Variants in CNIH3 observed in about 807,000 individuals in gnomAD.
CNIH3 encodes cornichon family AMPA receptor auxiliary protein 3, also known as protein cornichon homolog 3.
A neutral mutation model predicts 24.1 loss-of-function variants in CNIH3; 14 were observed. The ratio of observed to expected loss-of-function variants is 0.58; its 90% CI spans 0.38 to 0.91. The LOEUF (loss-of-function observed/expected upper bound fraction) is 0.91. Ranked by LOEUF, CNIH3 falls within the 40% of genes least tolerant of loss-of-function variation. The pLI, the probability that CNIH3 is intolerant of heterozygous loss-of-function variation, is 0.00. For synonymous variants in CNIH3, 68 were observed against 73.8 expected, an observed-to-expected ratio of 0.92 and a Z score of 0.40; for missense variants, 178 against 196.8, an observed-to-expected ratio of 0.90 and a Z score of 0.57.
chr1:224,716,764 CCCTCCCTCTCTTGCCCT>C (rs1688451288), intron 3 of CNIH3, among the ~76,000 whole-genome samples: 1 of 152,092 alleles, frequency 6.6e-6, no homozygotes, highest in Admixed American at 6.5e-5. Context: ...GTCTGCCTTC[CCCTCCCTCTCTTGCCCT>C]CCTCTGCTAT....
In CNIH3 at chr1:224,638,463, C is replaced by T. The variant is rs572573400; in HGVS notation, c.81+21208C>T. On this transcript the variant is annotated intron_variant, in intron 1 of 5. Coordinates refer to ENST00000272133, the MANE Select transcript of CNIH3 (RefSeq NM_152495.2). ...CTCTTGTAGTTCATTCTTCCCCATG[C>T]CATGTCAGACCTGAGCTTCTGAATT... Among the ~76,000 whole-genome samples, 20 of 152,332 alleles carry T rather than the reference C, an allele frequency of 1.3e-4. No homozygotes were observed. In the South Asian group the frequency reaches 3.7e-3, roughly 28 times the overall value.
At chr1:224,618,755 A>G (rs962937525) in intron 1 of CNIH3, among the ~76,000 whole-genome samples, 3 of 152,212 alleles carry the variant, frequency 2.0e-5, no homozygotes, top group African/African-American at 4.8e-5. Context: ...GAATCCAAAC[A>G]TAGATATTTG....
At chr1:224,636,918 T>C (rs1487686551) in intron 1 of CNIH3, among the ~76,000 whole-genome samples, 1 of 152,136 alleles carries the variant, frequency 6.6e-6, no homozygotes, top group Non-Finnish European at 1.5e-5. Flanking sequence ...ATCTATTATC[T>C]GTCTATCATC....
intron 1 of CNIH3, among the ~76,000 whole-genome samples, chr1:224,677,731 C>A (rs1226790817): frequency 6.6e-6 from 1 of 152,192 alleles, no homozygotes; most frequent in Non-Finnish European, 1.5e-5. Context: ...TCTATTCAGT[C>A]TAGACCCACC....
intron 5 of CNIH3, among the ~76,000 whole-genome samples, chr1:224,585,485 T>A (rs937774325): frequency 3.3e-5 from 5 of 151,800 alleles, no homozygotes; most frequent in Non-Finnish European, 5.9e-5. Flanking sequence ...TTCTTTTTTT[T>A]TTTTTATTTT....
chr1:224,623,449 G>A (rs1683381136), intron 1 of CNIH3, among the ~76,000 whole-genome samples: 1 of 152,094 alleles, frequency 6.6e-6, no homozygotes, highest in Admixed American at 6.5e-5. Flanking sequence ...CGGATGCACG[G>A]TTTGACCTTA....
At chr1:224,660,512 T>A (rs887058194) in intron 1 of CNIH3, among the ~76,000 whole-genome samples, 2 of 145,166 alleles carry the variant, frequency 1.4e-5, no homozygotes, top group African/African-American at 5.2e-5. Flanking sequence ...TTATATACAA[T>A]TTTTTTTTTC....
intron 3 of CNIH3, among the ~76,000 whole-genome samples, chr1:224,693,546 CTCAG>C (rs56278028): frequency 0.061 from 9,264 of 152,218 alleles, 350 homozygotes; most frequent in East Asian, 0.14. Flanking sequence ...ATTAGCTCAT[CTCAG>C]TCAGCCTCAG....
intron 4 of CNIH3, among the ~76,000 whole-genome samples, chr1:224,577,052 T>TA: frequency 6.6e-6 from 1 of 152,122 alleles, no homozygotes; most frequent in African/African-American, 2.4e-5. Flanking sequence ...TTACCTTATA[T>TA]AAAAATCAAC....
intron 1 of CNIH3, among the ~76,000 whole-genome samples, chr1:224,466,503 T>C (rs1362149612): frequency 1.3e-5 from 2 of 152,198 alleles, no homozygotes; most frequent in African/African-American, 4.8e-5. Flanking sequence ...CATTTATACA[T>C]TGAAGGACAT....
chr1:224,508,971 A>G (rs900045426), intron 1 of CNIH3, among the ~76,000 whole-genome samples: 1 of 152,178 alleles, frequency 6.6e-6, no homozygotes, highest in Non-Finnish European at 1.5e-5. Flanking sequence ...ATGTGTTATT[A>G]GATACTAAAA....
At chr1:224,733,006 T>G (rs1689416453) in intron 4 of CNIH3, among the ~76,000 whole-genome samples, 1 of 152,026 alleles carries the variant, frequency 6.6e-6, no homozygotes, top group Non-Finnish European at 1.5e-5. Flanking sequence ...TGTACACCCT[T>G]TATCCCCCTT....
chr1:224,663,770 T>G (rs1280970809), intron 1 of CNIH3, among the ~76,000 whole-genome samples: 1 of 152,172 alleles, frequency 6.6e-6, no homozygotes, highest in East Asian at 1.9e-4. Flanking sequence ...CAAAGGCTGT[T>G]CTTCATAGGC....
chr1:224,579,067 CTT>C (rs60330387), intron 4 of CNIH3, among the ~76,000 whole-genome samples: 23 of 138,954 alleles, frequency 1.7e-4, no homozygotes, highest in African/African-American at 4.8e-4. Context: ...TTTCTTTTTT[CTT>C]TTTTTTTTTT....
intron 5 of CNIH3, among the ~76,000 whole-genome samples, chr1:224,736,216 C>T (rs1689583550): frequency 6.6e-6 from 1 of 152,130 alleles, no homozygotes. Flanking sequence ...ACCTTGAACT[C>T]CAGGCTCAAG....
At position 224,557,504 on chromosome 1, in the gene CNIH3, C is replaced by T. The variant is rs141094815; in HGVS notation, n.451-8695C>T. On this transcript the variant is annotated intron_variant and non_coding_transcript_variant, in intron 3 of 5. Transcript: ENST00000471578. ...TATTTTAGACAGAGTCTCGCTCTGT[C>T]GCTCAGGCTGGAGTACAGCAGCACG... Among the ~76,000 whole-genome samples the T allele has an allele frequency of 3.2e-3, 480 of 152,136 alleles. 3 individuals carry two copies. Among genetic ancestry groups the T allele is most frequent in the Non-Finnish European group, 5.0e-3 (342 of 67,976 alleles).
chr1:224,700,484 T>G (rs2125172496), intron 3 of CNIH3, among the ~76,000 whole-genome samples: 1 of 152,328 alleles, frequency 6.6e-6, no homozygotes, highest in Non-Finnish European at 1.5e-5. Context: ...GCCCTTGAAT[T>G]CTGTTCTTTG....
intron 2 of CNIH3, among the ~76,000 whole-genome samples, 172 bp downstream of exon 2, chr1:224,681,198 C>G (rs1686384178): frequency 6.6e-6 from 1 of 152,192 alleles, no homozygotes. Flanking sequence ...TTGAAGTGTG[C>G]TGAGGTCTTG....
At chr1:224,700,090 G>A (rs934938538) in intron 3 of CNIH3, among the ~76,000 whole-genome samples, 9 of 152,094 alleles carry the variant, frequency 5.9e-5, no homozygotes, top group Admixed American at 6.5e-5. Flanking sequence ...ATCACCGCTG[G>A]ACCATTTCTG....
Sources: gnomAD v4.1 joint callset for allele counts (sites outside exome capture counted in the v4.1 genomes callset) on GRCh38, gnomAD v4.1.1 for gene constraint, MANE v1.5 for transcripts, NCBI Gene and HGNC (gene_info 2026-07-23, HGNC 2026-07-21) for gene names.